MYO16: variants seen among roughly 807,000 people sequenced by gnomAD.
MYO16 encodes the protein myosin XVI.
MYO16 carries 94 observed loss-of-function variants against 205.3 expected under a neutral mutation model. The observed-to-expected ratio is 0.46, with a 90% CI of 0.39 to 0.54. The LOEUF (loss-of-function observed/expected upper bound fraction) is 0.54, where lower values mean the gene tolerates loss of function less well. MYO16 is among the 20% of genes least tolerant of loss of function. The probability of loss-of-function intolerance (pLI) is 0.00; values close to 1 mark genes in which losing one functional copy is unlikely to be tolerated. For missense variants in MYO16, 2,315 were observed against 2,387.5 expected, an observed-to-expected ratio of 0.97 and a Z score of 0.63; for synonymous variants, 988 against 954.0, an observed-to-expected ratio of 1.04 and a Z score of -0.66.
At chr13:108,757,115 A>G (rs970403738) in intron 4 of MYO16, among the ~76,000 whole-genome samples, 3 of 152,356 alleles carry the variant, frequency 2.0e-5, no homozygotes, top group Admixed American at 2.0e-4. Flanking sequence ...ACTAACTTCA[A>G]AATTTCTCAG....
intron 22 of MYO16, among the ~76,000 whole-genome samples, chr13:109,017,347 T>A (rs954606985): frequency 6.6e-6 from 1 of 152,232 alleles, no homozygotes; most frequent in Non-Finnish European, 1.5e-5. Context: ...GTTAGTCTGA[T>A]GGGCTTCCCT....
At chr13:109,100,968 T>A in intron 28 of MYO16, 81 bp downstream of exon 28, 1 of 1,247,900 alleles carries the variant, frequency 8.0e-7, no homozygotes, top group Non-Finnish European at 1.1e-6. Flanking sequence ...GCCACCAGAA[T>A]CTTCCTGGCA....
intron 34 of MYO16, among the ~76,000 whole-genome samples, chr13:109,199,732 T>C (rs555029009): frequency 1.3e-5 from 2 of 152,180 alleles, no homozygotes; most frequent in African/African-American, 4.8e-5. Flanking sequence ...CAAAAAGAAA[T>C]GGTATCAAAA....
chr13:108,936,092 CCTTCCTTCCTT>C (rs1882466732), intron 16 of MYO16, among the ~76,000 whole-genome samples: 1 of 20,084 alleles, frequency 5.0e-5, no homozygotes, highest in Non-Finnish European at 2.0e-4. Flanking sequence ...TAGTTTCCTT[CCTTCCTTCCTT>C]CCTTCCTTCC....
chr13:108,883,494 C>A (rs1368512614), intron 13 of MYO16, among the ~76,000 whole-genome samples: 1 of 152,110 alleles, frequency 6.6e-6, no homozygotes, highest in Non-Finnish European at 1.5e-5. Flanking sequence ...GAAAAACTAC[C>A]AATATTACGG....
intron 7 of MYO16, among the ~76,000 whole-genome samples, chr13:108,807,325 G>A (rs763767612): frequency 6.6e-6 from 1 of 152,000 alleles, no homozygotes; most frequent in Non-Finnish European, 1.5e-5. Context: ...ATAAATTTCA[G>A]TAGTGTAACT....
the MYO16 span, among the ~76,000 whole-genome samples, chr13:108,533,981 A>AT: frequency 2.0e-5 from 3 of 151,994 alleles, no homozygotes; most frequent in African/African-American, 2.4e-5. Context: ...GTGAAAGCAG[A>AT]TTTTTTTTAT....
upstream of MYO16, among the ~76,000 whole-genome samples, chr13:108,594,653 T>C (rs1164084746): frequency 1.3e-5 from 2 of 152,212 alleles, no homozygotes; most frequent in Non-Finnish European, 2.9e-5. Flanking sequence ...TGCTGGATAA[T>C]TTCAGACATC....
At chr13:108,874,111 T>A (rs965435003) in intron 12 of MYO16, among the ~76,000 whole-genome samples, 1 of 152,188 alleles carries the variant, frequency 6.6e-6, no homozygotes, top group African/African-American at 2.4e-5. Flanking sequence ...CATACTTCAC[T>A]TCTAGCTGAG....
chr13:108,563,590 T>C, the MYO16 span, among the ~76,000 whole-genome samples: 1 of 152,186 alleles, frequency 6.6e-6, no homozygotes, highest in Non-Finnish European at 1.5e-5. Flanking sequence ...GAACATTTGA[T>C]GCTTGTCTGT....
chr13:108,961,396 A>T lies in MYO16; in HGVS notation c.2038-143A>T. 6.5e-6 allele frequency: 4 copies of T among 613,518 alleles called. No individual in the cohort carries two copies. The South Asian group carries it at 6.6e-5, about 10-fold the overall frequency. 38.0% of individuals were successfully genotyped at this position (613,518 alleles called of 1,614,324 possible). A position where few individuals can be genotyped will look rare whatever the true frequency, so the allele number is the denominator to read the frequency against. The stretch of plus-strand genomic sequence containing the variant: ...TAGAGACTGGTAGTTTTCTTGCCAT[A>T]TCGAACATTTGGGATCTGCAAACTC... On this transcript the variant is annotated intron_variant, in intron 17 of 34. Transcript: ENST00000457511.
intron 13 of MYO16, among the ~76,000 whole-genome samples, chr13:108,886,026 C>A (rs547231422): frequency 6.6e-6 from 1 of 151,814 alleles, no homozygotes; most frequent in African/African-American, 2.4e-5. Flanking sequence ...CTCGCTCTGT[C>A]GCCCAGGCTG....
intron 2 of MYO16, among the ~76,000 whole-genome samples, chr13:108,677,524 C>G (rs1882284351): frequency 6.6e-6 from 1 of 151,138 alleles, no homozygotes; most frequent in African/African-American, 2.4e-5. Context: ...TGTATTTATA[C>G]ATGCACATAT....
chr13:108,532,148 G>A, the MYO16 span, among the ~76,000 whole-genome samples: 22 of 152,166 alleles, frequency 1.4e-4, no homozygotes, highest in African/African-American at 4.1e-4. Context: ...AGAGGTTGCC[G>A]TGAGCCGAGA....
At chr13:108,905,472 A>G (rs568249548) in intron 15 of MYO16, among the ~76,000 whole-genome samples, 8 of 152,306 alleles carry the variant, frequency 5.3e-5, no homozygotes, top group African/African-American at 1.9e-4. Context: ...TGAAAAGAGC[A>G]TAGGACCAGC....
intron 4 of MYO16, among the ~76,000 whole-genome samples, chr13:108,738,038 G>A (rs1031872098): frequency 3.3e-5 from 5 of 151,944 alleles, no homozygotes; most frequent in Admixed American, 1.3e-4. Context: ...TTCTTTATTA[G>A]TCTTGCTAGT....
chr13:108,657,413 G>A (rs913849166), intron 1 of MYO16, among the ~76,000 whole-genome samples: 2 of 152,106 alleles, frequency 1.3e-5, no homozygotes, highest in African/African-American at 2.4e-5. Flanking sequence ...TTTATTACCT[G>A]TAATTTTTTT....
At chr13:108,817,441 A>C (rs1875685956) in intron 7 of MYO16, among the ~76,000 whole-genome samples, 1 of 152,206 alleles carries the variant, frequency 6.6e-6, no homozygotes, top group Non-Finnish European at 1.5e-5. Context: ...ATTTATCTGA[A>C]GTTTAAGAAT....
At chr13:108,939,307 T>G (rs1882622662) in intron 16 of MYO16, among the ~76,000 whole-genome samples, 1 of 152,118 alleles carries the variant, frequency 6.6e-6, no homozygotes, top group Admixed American at 6.5e-5. Flanking sequence ...AAAAACAAAG[T>G]GCTCTCCCTC....
Sources: gnomAD v4.1 joint callset for allele counts (sites outside exome capture counted in the v4.1 genomes callset) on GRCh38, gnomAD v4.1.1 for gene constraint, MANE v1.5 for transcripts, NCBI Gene and HGNC (gene_info 2026-07-23, HGNC 2026-07-21) for gene names.